The following BCKDHB variants were observed in gnomAD, a reference collection of about 807,000 sequenced individuals.
BCKDHB encodes the protein 2-oxoisovalerate dehydrogenase subunit beta, mitochondrial.
A neutral mutation model predicts 48.5 loss-of-function variants in BCKDHB; 41 were observed. The observed-to-expected ratio is 0.85, with a 90% CI of 0.66 to 1.10. BCKDHB has a LOEUF of 1.10. Ranked by LOEUF, BCKDHB falls within the 50% of genes least tolerant of loss-of-function variation. BCKDHB has a pLI of 0.00. For missense variants in BCKDHB, 496 were observed against 494.2 expected (o/e 1.00, Z -0.03); for synonymous variants, 201 against 174.8 (o/e 1.15, Z -1.18).
chr6:80,337,982 A>G (rs1212605104), intron 9 of BCKDHB, among the ~76,000 whole-genome samples: 1 of 152,216 alleles, frequency 6.6e-6, no homozygotes, highest in Non-Finnish European at 1.5e-5. Context: ...TATACCAGCT[A>G]TATAAGAAGT....
chr6:80,361,041 A>G, the BCKDHB span, among the ~76,000 whole-genome samples: 4 of 151,690 alleles, frequency 2.6e-5, no homozygotes, highest in Non-Finnish European at 4.4e-5. Context: ...AAAAAATTAG[A>G]AAGTTATATA....
the BCKDHB span, among the ~76,000 whole-genome samples, chr6:80,426,323 C>G: frequency 6.6e-6 from 1 of 152,104 alleles, no homozygotes; most frequent in East Asian, 1.9e-4. Flanking sequence ...TATTGTTTTT[C>G]TGTTTTCCTT....
chr6:80,171,143 A>AT, intron 5 of BCKDHB, 139 bp from the exon 6 acceptor site: 1 of 591,650 alleles, frequency 1.7e-6, no homozygotes, highest in Non-Finnish European at 3.0e-6. Flanking sequence ...TTAATAAGTG[A>AT]TAATTAGGCT....
intron 9 of BCKDHB, among the ~76,000 whole-genome samples, chr6:80,275,304 A>T (rs185403927): frequency 4.8e-4 from 73 of 152,206 alleles, no homozygotes; most frequent in Non-Finnish European, 7.4e-5. Context: ...GTGTGTGCAC[A>T]TGCACTCTTA....
At chr6:80,417,719 C>T in the BCKDHB span, among the ~76,000 whole-genome samples, 1 of 152,186 alleles carries the variant, frequency 6.6e-6, no homozygotes, top group African/African-American at 2.4e-5. Context: ...GTCTGATGAT[C>T]TTCCTTTTGT....
At chr6:80,182,720 T>C (rs1193399736) in intron 6 of BCKDHB, among the ~76,000 whole-genome samples, 1 of 152,160 alleles carries the variant, frequency 6.6e-6, no homozygotes. Flanking sequence ...ATGTGTAACA[T>C]AAAAATATTG....
chr6:80,221,200 T>G (rs1775434884), intron 8 of BCKDHB, among the ~76,000 whole-genome samples: 1 of 152,202 alleles, frequency 6.6e-6, no homozygotes, highest in African/African-American at 2.4e-5. Flanking sequence ...GATTAGCTGT[T>G]TCTTCCACTG....
At chr6:80,266,162 A>T (rs1432462974) in intron 8 of BCKDHB, among the ~76,000 whole-genome samples, 1 of 152,128 alleles carries the variant, frequency 6.6e-6, no homozygotes, top group East Asian at 1.9e-4. Flanking sequence ...ATGGAAGTCA[A>T]CAGTATTAAT....
At chr6:80,248,828 G>A (rs1368498695) in intron 8 of BCKDHB, among the ~76,000 whole-genome samples, 4 of 151,988 alleles carry the variant, frequency 2.6e-5, no homozygotes, top group African/African-American at 7.3e-5. Context: ...TGAATTCTCT[G>A]TTGAATGATC....
Position 80,279,832 on chromosome 6 carries a change from G to A in BCKDHB, c.1038+6611G>A, listed in dbSNP as rs528435325. ...AGACACTTAGAGTTTATTAGAAGTC[G>A]ATGATAAACAGGTAGTTATAGTACA... On this transcript the variant is annotated intron_variant, in intron 9 of 9. Transcript: ENST00000320393. 2.6e-5 allele frequency among the ~76,000 whole-genome samples: 4 copies of A among 152,240 alleles called. No homozygotes were observed. The East Asian group carries it at 5.8e-4, about 22-fold the overall frequency.
the BCKDHB span, among the ~76,000 whole-genome samples, chr6:80,441,901 A>C: frequency 1.3e-5 from 2 of 152,180 alleles, no homozygotes; most frequent in African/African-American, 4.8e-5. Context: ...GGAGAGCTTA[A>C]TATTAAACAG....
At chr6:80,140,580 G>T (rs1355702758) in intron 3 of BCKDHB, among the ~76,000 whole-genome samples, 2 of 151,820 alleles carry the variant, frequency 1.3e-5, no homozygotes, top group Non-Finnish European at 2.9e-5. Context: ...TTTTGTCTTT[G>T]GTTCTGTTTA....
chr6:80,243,821 C>G (rs1188808575), intron 8 of BCKDHB, among the ~76,000 whole-genome samples: 1 of 152,174 alleles, frequency 6.6e-6, no homozygotes, highest in Non-Finnish European at 1.5e-5. Flanking sequence ...TAGATATGAG[C>G]CACTGTGCCT....
intron 8 of BCKDHB, among the ~76,000 whole-genome samples, chr6:80,235,586 C>T (rs1776115780): frequency 6.6e-6 from 1 of 151,984 alleles, no homozygotes. Flanking sequence ...GATATTAAAC[C>T]CATGTTCTTG....
At chr6:80,169,057 A>G in intron 5 of BCKDHB, 27 bp downstream of exon 5, 1 of 1,608,936 alleles carries the variant, frequency 6.2e-7, no homozygotes. Context: ...ACTTTATTTG[A>G]TTTCTATTTG....
At chr6:80,136,014 C>T (rs1770866438) in intron 3 of BCKDHB, 1 of 152,144 alleles carries the variant, frequency 6.6e-6, no homozygotes, top group Non-Finnish European at 1.5e-5. Context: ...CTTTTTAAGG[C>T]TGCATAATAT....
the BCKDHB span, among the ~76,000 whole-genome samples, chr6:80,399,700 C>G: frequency 6.6e-6 from 1 of 152,080 alleles, no homozygotes; most frequent in Non-Finnish European, 1.5e-5. Flanking sequence ...AACACTATTC[C>G]TATAAAATTA....
chr6:80,328,277 C>T (rs1308611444), intron 9 of BCKDHB, among the ~76,000 whole-genome samples: 4 of 152,144 alleles, frequency 2.6e-5, no homozygotes, highest in Admixed American at 2.6e-4. Context: ...ACTCTTTTAG[C>T]TACTGGAGTT....
the BCKDHB span, among the ~76,000 whole-genome samples, chr6:80,384,647 G>A: frequency 1.2e-4 from 18 of 152,084 alleles, no homozygotes; most frequent in African/African-American, 4.1e-4. Context: ...ATGAGCCGCC[G>A]TGCCTGGCCC....
Sources: gnomAD v4.1 joint callset for allele counts (sites outside exome capture counted in the v4.1 genomes callset) on GRCh38, gnomAD v4.1.1 for gene constraint, MANE v1.5 for transcripts, NCBI Gene and HGNC (gene_info 2026-07-23, HGNC 2026-07-21) for gene names.